GTF2H1: variants seen among roughly 807,000 people sequenced by gnomAD.
GTF2H1 encodes the protein general transcription factor IIH subunit 1.
In GTF2H1, 16 loss-of-function variants were observed where a neutral mutation model predicts 71.2. The ratio of observed to expected loss-of-function variants is 0.22; its 90% CI spans 0.15 to 0.34. The LOEUF (loss-of-function observed/expected upper bound fraction) is 0.34. Among genes scored for constraint, GTF2H1 ranks in the 10% least tolerant of loss-of-function variants. The pLI is 1.00. For synonymous variants in GTF2H1, 215 were observed against 219.0 expected, an observed-to-expected ratio of 0.98 and a Z score of 0.16; for missense variants, 498 against 648.2, an observed-to-expected ratio of 0.77 and a Z score of 2.52.
chr11:18,322,738 C>A lies in GTF2H1; in HGVS notation c.-18C>A, dbSNP rs1022572552. ...TCCTGTCTAGAGTTGTAGCTTCCAC[C>A]TGGTAAGTTTAGACCGAAGAATGCA... On this transcript the variant is annotated splice_region_variant and 5_prime_UTR_variant, in exon 1 of 15. In the 5' UTR this introduces an upstream ATG that the reference lacks. Transcript: ENST00000265963. The A allele has an allele frequency of 1.7e-5, 2 of 117,308 alleles. No homozygotes were observed. The highest frequency in any genetic ancestry group is 3.3e-5 in the African/African-American group (1 of 30,538). 7.3% of individuals were successfully genotyped at this position (117,308 alleles called of 1,614,324 possible). A position where few individuals can be genotyped will look rare whatever the true frequency, so the allele number is the denominator to read the frequency against.
At chr11:18,352,933 T>C (rs1371355824) in intron 11 of GTF2H1, among the ~76,000 whole-genome samples, 6 of 152,216 alleles carry the variant, frequency 3.9e-5, no homozygotes, top group Non-Finnish European at 8.8e-5. Context: ...CTTTCTAAAA[T>C]CACTTATTTT....
intron 1 of GTF2H1, among the ~76,000 whole-genome samples, chr11:18,332,507 A>G (rs1347826596): frequency 6.6e-6 from 1 of 152,234 alleles, no homozygotes; most frequent in Middle Eastern, 3.2e-3. Context: ...AGTTGAAGAC[A>G]TTTGAATGTT....
Position 18,333,236 on chromosome 11 carries a change from A to C in GTF2H1, c.154+8A>C. Reference sequence around the variant, plus strand: ...TGTATGCAGATATTAAATGTAAGTCAGCTATACTAAGTTCTGATGTATTTG... The same window carrying C: ...TGTATGCAGATATTAAATGTAAGTCCGCTATACTAAGTTCTGATGTATTTG... On this transcript the variant is annotated splice_region_variant and intron_variant, in intron 2 of 14. Transcript: ENST00000265963. 1 of 1,597,172 alleles carries C rather than the reference A, an allele frequency of 6.3e-7. No homozygotes were observed. Among genetic ancestry groups the C allele is most frequent in the Non-Finnish European group, 8.6e-7 (1 of 1,167,268 alleles).
At chr11:18,336,676 A>G (rs1348208507) in intron 3 of GTF2H1, among the ~76,000 whole-genome samples, 1 of 152,174 alleles carries the variant, frequency 6.6e-6, no homozygotes, top group Non-Finnish European at 1.5e-5. Context: ...GAAGATGCTA[A>G]GCCATTGGAA....
At chr11:18,354,810 T>C (rs924366453) in intron 11 of GTF2H1, among the ~76,000 whole-genome samples, 1 of 152,010 alleles carries the variant, frequency 6.6e-6, no homozygotes, top group Admixed American at 6.6e-5. Flanking sequence ...TTTCTTTTTG[T>C]TTTTGTTTTT....
In GTF2H1 at chr11:18,339,623, T is replaced by A. The variant is rs1236198598; in HGVS notation, c.573T>A (p.Asp191Glu). 1 of 1,611,124 alleles carries A rather than the reference T, an allele frequency of 6.2e-7. No individual in the cohort carries two copies. The highest frequency in any genetic ancestry group is 1.7e-5 in the Admixed American group (1 of 59,996). Residue 191 changes from aspartate to glutamate, a missense_variant, in exon 5 of 15, where the codon GAT becomes GAA. By Grantham distance (45) the Asp-to-Glu change is conservative. Around this residue, in one of 3 missense-constraint regions of GTF2H1, gnomAD observed 216 missense variants for 306.2 expected, o/e 0.71. Transcript: ENST00000265963. Reference sequence around the variant, plus strand: ...GTCTAAGATATAATTTAACTTCTGATATCATTGAGTCCATATTTAGGACCT... The same window carrying A: ...GTCTAAGATATAATTTAACTTCTGAAATCATTGAGTCCATATTTAGGACCT... ...CNGLRYNLTS[D>E]IIESIFRTYP...
intron 14 of GTF2H1, among the ~76,000 whole-genome samples, chr11:18,363,360 A>G (rs1865750476): frequency 6.6e-6 from 1 of 152,172 alleles, no homozygotes; most frequent in Non-Finnish European, 1.5e-5. Context: ...ACAGCTGGCT[A>G]CTTAATAGGT....
At chr11:18,335,308 A>G (rs988854849) in intron 2 of GTF2H1, among the ~76,000 whole-genome samples, 2 of 152,240 alleles carry the variant, frequency 1.3e-5, no homozygotes, top group African/African-American at 4.8e-5. Flanking sequence ...TTTCTCGAAT[A>G]TAAAATTACA....
intron 14 of GTF2H1, among the ~76,000 whole-genome samples, chr11:18,363,095 C>T (rs1865743663): frequency 6.6e-6 from 1 of 152,146 alleles, no homozygotes; most frequent in South Asian, 2.1e-4. Flanking sequence ...ACCTCCACAT[C>T]TTGTCCCACT....
chr11:18,344,797 TA>T (rs1865246375), intron 7 of GTF2H1, among the ~76,000 whole-genome samples: 1 of 152,138 alleles, frequency 6.6e-6, no homozygotes, highest in Non-Finnish European at 1.5e-5. Context: ...GCTTTAGACA[TA>T]ATGACCATTC....
chr11:18,347,073 C>T (rs1205958958), intron 7 of GTF2H1: 1 of 150,402 alleles, frequency 6.6e-6, no homozygotes, highest in Non-Finnish European at 1.5e-5. Flanking sequence ...CCAAATTGTT[C>T]TTTAAAAGAG....
intron 1 of GTF2H1, among the ~76,000 whole-genome samples, chr11:18,329,543 A>G (rs1007069143): frequency 1.3e-5 from 2 of 152,108 alleles, no homozygotes; most frequent in Admixed American, 6.5e-5. Context: ...CTAAAATACA[A>G]ATCACTCCCC....
In GTF2H1 at chr11:18,322,684, C is replaced by T. The variant is rs1409901140; in HGVS notation, c.-72C>T. On this transcript the variant is annotated 5_prime_UTR_variant, in exon 1 of 15. Transcript: ENST00000265963. ...AGCGGCTCTAAGAAGCGCAGCGGAA[C>T]TCGACCGGATCCAACCCAGTTAGTT... 2 of 151,822 alleles carry T rather than the reference C, an allele frequency of 1.3e-5. No homozygotes were observed. Among genetic ancestry groups the T allele is most frequent in the African/African-American group, 4.8e-5 (2 of 41,296 alleles). The allele number at this position is 151,822 out of a possible 1,614,324, so 9.4% of individuals were successfully genotyped here. A position where few individuals can be genotyped will look rare whatever the true frequency, so the allele number is the denominator to read the frequency against.
At chr11:18,360,305 C>T (rs1359229647) in intron 13 of GTF2H1, among the ~76,000 whole-genome samples, 1 of 151,514 alleles carries the variant, frequency 6.6e-6, no homozygotes, top group Non-Finnish European at 1.5e-5. Context: ...GTATTTTTAG[C>T]GGAGACGGGG....
chr11:18,351,199 T>G (rs942348464), intron 9 of GTF2H1, among the ~76,000 whole-genome samples: 1 of 151,468 alleles, frequency 6.6e-6, no homozygotes, highest in Non-Finnish European at 1.5e-5. Context: ...AGACTGAGTT[T>G]GGCTGGGGAG....
At chr11:18,333,008 C>T (rs1266525158) in intron 1 of GTF2H1, 52 bp from the exon 2 acceptor site, 1 of 1,282,388 alleles carries the variant, frequency 7.8e-7, no homozygotes, top group Non-Finnish European at 1.1e-6. Flanking sequence ...CAAATTCAAC[C>T]CTAATTGATG....
At chr11:18,354,717 G>A (rs1865503164) in intron 11 of GTF2H1, among the ~76,000 whole-genome samples, 1 of 152,178 alleles carries the variant, frequency 6.6e-6, no homozygotes, top group South Asian at 2.1e-4. Context: ...GAAAGGAAGA[G>A]CATTCCCTTC....
chr11:18,358,824 T>C lies in GTF2H1; in HGVS notation c.1467+184T>C, dbSNP rs141323914. Among the ~76,000 whole-genome samples, 65 of 152,310 alleles carry C rather than the reference T, an allele frequency of 4.3e-4. 1 individual carries two copies. The highest frequency in any genetic ancestry group is 1.5e-3 in the African/African-American group (62 of 41,564). On this transcript the variant is annotated intron_variant, in intron 13 of 14. Transcript: ENST00000265963. ...AGCTATTGGTACCCATTTTATAGAT[T>C]TGGAAACTGAGATCCAGACGAGTTC...
At chr11:18,361,755 C>T (rs1017176195) in intron 14 of GTF2H1, among the ~76,000 whole-genome samples, 10 of 152,150 alleles carry the variant, frequency 6.6e-5, no homozygotes, top group Middle Eastern at 3.2e-3. Context: ...AAGCACAAAC[C>T]TAGCAGCGTA....
Sources: gnomAD v4.1 joint callset for allele counts (sites outside exome capture counted in the v4.1 genomes callset) on GRCh38, gnomAD v4.1.1 for gene constraint, gnomAD v4.1.1 regional missense constraint, MANE v1.5 for transcripts, NCBI Gene and HGNC (gene_info 2026-07-23, HGNC 2026-07-21) for gene names.